Variants in LCTL observed in about 807,000 individuals in gnomAD.
LCTL encodes lactase-like protein.
In LCTL, 76 loss-of-function variants were observed where a neutral mutation model predicts 75.8. The ratio of observed to expected loss-of-function variants is 1.00; its 90% confidence interval spans 0.83 to 1.21. LCTL has a LOEUF of 1.21. Among genes scored for constraint, LCTL ranks in the 50% most tolerant of loss-of-function variants. LCTL has a pLI of 0.00. For synonymous variants in LCTL, 271 were observed against 268.8 expected (o/e 1.01, Z -0.08); for missense variants, 670 against 712.4 (o/e 0.94, Z 0.68).
chr15:66,555,239 T>A (rs1895712813), intron 8 of LCTL, among the ~76,000 whole-genome samples: 1 of 152,170 alleles, frequency 6.6e-6, no homozygotes, highest in Non-Finnish European at 1.5e-5. Flanking sequence ...CAATAGCCAC[T>A]AGCTGCATAT....
chr15:66,564,015 G>T lies in LCTL; in HGVS notation c.283-17C>A, dbSNP rs773267772. The stretch of plus-strand genomic sequence containing the variant: ...GATGTCCTCCTGTGCAGACAGGGGT[G>T]GGGAGACAGGTCACCTGGGCCCTGG... On this transcript the variant is annotated splice_polypyrimidine_tract_variant and intron_variant, in intron 2 of 12. Transcript: ENST00000341509. The T allele has an allele frequency of 2.0e-5, 31 of 1,567,184 alleles. No homozygotes were observed. The South Asian group carries it at 3.2e-4, about 16-fold the overall frequency.
intron 6 of LCTL, among the ~76,000 whole-genome samples, chr15:66,560,057 A>T (rs1895848372): frequency 6.6e-6 from 1 of 152,162 alleles, no homozygotes; most frequent in Non-Finnish European, 1.5e-5. Flanking sequence ...GCTTCACTGC[A>T]TCCTGGGTGA....
At chr15:66,551,224 G>GTAA (rs1178538307) in intron 11 of LCTL, among the ~76,000 whole-genome samples, 1 of 151,128 alleles carries the variant, frequency 6.6e-6, no homozygotes. Flanking sequence ...GCATGCCCCT[G>GTAA]TAATCCCAGC....
intron 4 of LCTL, among the ~76,000 whole-genome samples, chr15:66,562,894 A>G (rs149415359): frequency 6.6e-6 from 1 of 152,320 alleles, no homozygotes; most frequent in Non-Finnish European, 1.5e-5. Flanking sequence ...GCCAGATCTT[A>G]GTTAAAAGAC....
intron 8 of LCTL, among the ~76,000 whole-genome samples, chr15:66,555,451 G>T (rs910893516): frequency 3.9e-5 from 6 of 151,956 alleles, no homozygotes; most frequent in Admixed American, 6.6e-5. Flanking sequence ...TGAGGCAGGA[G>T]AATCACTTGA....
chr15:66,548,359 A>G, exon 13 of LCTL: 1 of 476,326 alleles, frequency 2.1e-6, no homozygotes, highest in Non-Finnish European at 3.7e-6. Flanking sequence ...AGCACAAGCC[A>G]AAAAGAGAAA....
intron 3 of LCTL, 125 bp downstream of exon 4, chr15:66,563,786 G>C (rs978275165): frequency 1.1e-6 from 1 of 875,614 alleles, no homozygotes; most frequent in African/African-American, 1.7e-5. Flanking sequence ...ACCTGTGAGA[G>C]CTGCTACCGT....
exon 1 of LCTL, chr15:66,565,357 T>C (rs759219860): frequency 1.2e-6 from 2 of 1,605,636 alleles, no homozygotes; most frequent in Non-Finnish European, 1.7e-6. Flanking sequence ...CGACCCACAC[T>C]GGCTTCATGG....
chr15:66,559,342 G>A (rs1419694837), intron 6 of LCTL, among the ~76,000 whole-genome samples: 1 of 152,128 alleles, frequency 6.6e-6, no homozygotes, highest in African/African-American at 2.4e-5. Context: ...AATTCCTTTT[G>A]CCAACCAGCA....
intron 2 of LCTL, 34 bp from the exon 4 acceptor site, chr15:66,564,032 G>T: frequency 6.9e-7 from 1 of 1,454,662 alleles, no homozygotes; most frequent in Non-Finnish European, 9.7e-7. Context: ...CAGGTCACCT[G>T]GGCCCTGGGT....
intron 6 of LCTL, among the ~76,000 whole-genome samples, chr15:66,560,578 C>T (rs143656999): frequency 2.0e-5 from 3 of 152,142 alleles, no homozygotes; most frequent in East Asian, 3.8e-4. Flanking sequence ...ACTAGTTTTC[C>T]TTCCTCCTTC....
intron 8 of LCTL, among the ~76,000 whole-genome samples, chr15:66,554,062 G>C (rs1309389953): frequency 2.6e-5 from 4 of 151,852 alleles, no homozygotes; most frequent in Admixed American, 6.6e-5. Flanking sequence ...GAGGCCGAGG[G>C]GGGCAGATCA....
rs1034183011 is a variant in LCTL at position 66,563,742 on chromosome 15, C to G, written c.371-117G>C. On this transcript the variant is annotated intron_variant, in intron 3 of 12. Coordinates refer to ENST00000341509, the Ensembl canonical transcript of LCTL. ...TTTGAAGGCCTGAGGCACCCTCAGCCCACCAGCATTCTGGGAGCCCAGTTA... is the reference window on the plus strand; with the variant it reads ...TTTGAAGGCCTGAGGCACCCTCAGCGCACCAGCATTCTGGGAGCCCAGTTA... The G allele has an allele frequency of 3.4e-6, 3 of 871,040 alleles. No individual in the cohort carries two copies. The African/African-American group carries it at 5.0e-5, about 15-fold the overall frequency. 54.0% of individuals were successfully genotyped at this position (871,040 alleles called of 1,614,324 possible).
At position 66,557,968 on chromosome 15, in the gene LCTL, G is replaced by C; in HGVS notation, c.760+14C>G. The C allele has an allele frequency of 6.2e-7, 1 of 1,605,588 alleles. No individual in the cohort carries two copies. Among genetic ancestry groups the C allele is most frequent in the Non-Finnish European group, 8.5e-7 (1 of 1,173,446 alleles). ...CTTGGCTGTCCTGGGTACATGTGTG[G>C]GGCCACAGCTCACCTTGCTGCTTGC... On this transcript the variant is annotated intron_variant, in intron 7 of 12. Transcript: ENST00000341509.
chr15:66,564,638 C>T lies in LCTL; in HGVS notation c.282+38G>A, dbSNP rs145553585. On this transcript the variant is annotated intron_variant, in intron 2 of 12. Coordinates refer to ENST00000341509, the Ensembl canonical transcript of LCTL. ...AGGCATGTACTCACATGTGTGTGCA[C>T]GCGCGCGCACACACACACACTCACA... 2.0e-5 allele frequency: 31 copies of T among 1,579,360 alleles called. No homozygotes were observed. In the East Asian group the frequency reaches 2.7e-4, roughly 14 times the overall value.
At chr15:66,561,927 C>T (rs1895898414) in intron 4 of LCTL, among the ~76,000 whole-genome samples, 1 of 152,132 alleles carries the variant, frequency 6.6e-6, no homozygotes, top group African/African-American at 2.4e-5. Flanking sequence ...CTTCCCCAAG[C>T]CACTTCTCCA....
exon 2 of LCTL, chr15:66,564,736 C>T: frequency 1.2e-6 from 2 of 1,613,620 alleles, no homozygotes; most frequent in Non-Finnish European, 8.5e-7. Context: ...GCACTTTCCC[C>T]TTCCCACTGT....
Position 66,563,518 on chromosome 15 carries a change from G to T in LCTL, c.478C>A (p.Gln160Lys), listed in dbSNP as rs138941438. Reference sequence around the variant, plus strand: ...TGTGAGCCTGCTCAGGTCCTCACCTGTGGCAGATCCCAGTGGTGCAAGGTC... The same window carrying T: ...TGTGAGCCTGCTCAGGTCCTCACCTTTGGCAGATCCCAGTGGTGCAAGGTC... The change falls in exon 4 of 13, where the codon CAG (glutamine) becomes AAG (lysine). Residue 160 changes from glutamine to lysine, a missense_variant and splice_region_variant. Physicochemically the swap from Gln to Lys is moderately conservative, Grantham distance 53. Coordinates refer to ENST00000341509, the Ensembl canonical transcript of LCTL. 8.5e-5 allele frequency: 137 copies of T among 1,609,108 alleles called. 1 individual carries two copies. Among genetic ancestry groups the T allele is most frequent in the Admixed American group, 1.7e-4 (10 of 59,986 alleles).
In LCTL at chr15:66,563,077, C is replaced by T. The variant is rs146063939; in HGVS notation, c.480+439G>A. On this transcript the variant is annotated intron_variant, in intron 4 of 12. Transcript: ENST00000341509. The stretch of plus-strand genomic sequence containing the variant: ...CTGGAATTCATGTTGAAACTGTATC[C>T]CCTGTGTAACAGTATGGGGAAGTGT... Among the ~76,000 whole-genome samples, 11 of 152,226 alleles carry T rather than the reference C, an allele frequency of 7.2e-5. No homozygotes were observed. In the East Asian group the frequency reaches 2.1e-3, roughly 29 times the overall value.
Sources: allele counts gnomAD v4.1 joint callset (sites outside exome capture counted in the v4.1 genomes callset), GRCh38; gene constraint gnomAD v4.1.1; transcripts MANE v1.5; gene names NCBI Gene and HGNC (gene_info 2026-07-23, HGNC 2026-07-21).